Variants in KHDRBS2 observed in about 807,000 individuals in gnomAD.
KHDRBS2 encodes the protein KH domain-containing, RNA-binding, signal transduction-associated protein 2.
A neutral mutation model predicts 44.3 loss-of-function variants in KHDRBS2; 26 were observed. The observed-to-expected ratio is 0.59, with a 90% confidence interval of 0.43 to 0.81. The LOEUF is 0.81. Ranked by LOEUF, KHDRBS2 falls within the 40% of genes least tolerant of loss-of-function variation. The probability of loss-of-function intolerance (pLI) is 0.00; values close to 1 mark genes in which losing one functional copy is unlikely to be tolerated. For synonymous variants in KHDRBS2, 194 were observed against 151.1 expected, an observed-to-expected ratio of 1.28 and a Z score of -2.08; for missense variants, 476 against 433.1, an observed-to-expected ratio of 1.10 and a Z score of -0.88.
intron 7 of KHDRBS2, among the ~76,000 whole-genome samples, chr6:61,719,628 C>A (rs1024205292): frequency 8.6e-5 from 13 of 152,044 alleles, no homozygotes; most frequent in Non-Finnish European, 1.5e-4. Flanking sequence ...ATAATCAACT[C>A]ATCAATTTAT....
chr6:61,986,894 A>G (rs1333571333), intron 3 of KHDRBS2, among the ~76,000 whole-genome samples: 1 of 152,170 alleles, frequency 6.6e-6, no homozygotes, highest in Admixed American at 6.5e-5. Flanking sequence ...TCCAAATACC[A>G]TCATATCAGG....
At chr6:62,016,219 A>T (rs1314472589) in intron 3 of KHDRBS2, among the ~76,000 whole-genome samples, 2 of 152,122 alleles carry the variant, frequency 1.3e-5, no homozygotes, top group East Asian at 3.8e-4. Context: ...TAGTAGAATG[A>T]GGTAGGATCC....
intron 6 of KHDRBS2, among the ~76,000 whole-genome samples, chr6:61,857,630 C>T (rs948957256): frequency 2.0e-5 from 3 of 151,850 alleles, no homozygotes; most frequent in African/African-American, 7.3e-5. Context: ...ATGTTAGCAA[C>T]ATACGGATTT....
At chr6:61,846,790 T>C (rs1024577996) in intron 6 of KHDRBS2, among the ~76,000 whole-genome samples, 9 of 150,724 alleles carry the variant, frequency 6.0e-5, no homozygotes, top group African/African-American at 9.8e-5. Context: ...AGTACATATA[T>C]ATATATATAT....
intron 2 of KHDRBS2, among the ~76,000 whole-genome samples, chr6:62,114,930 T>C (rs1463629086): frequency 6.6e-6 from 1 of 152,140 alleles, no homozygotes; most frequent in Non-Finnish European, 1.5e-5. Context: ...GAAAACATGG[T>C]ATTTAATATT....
At chr6:61,993,243 G>A (rs1217381326) in intron 3 of KHDRBS2, among the ~76,000 whole-genome samples, 1 of 151,986 alleles carries the variant, frequency 6.6e-6, no homozygotes, top group Non-Finnish European at 1.5e-5. Context: ...TTTGCCAGGA[G>A]AGAAACTTTT....
chr6:61,632,923 C>T, the KHDRBS2 span, among the ~76,000 whole-genome samples: 4 of 151,986 alleles, frequency 2.6e-5, no homozygotes, highest in African/African-American at 9.7e-5. Flanking sequence ...TCTCAGTTAC[C>T]TCTTTTGAAG....
intron 6 of KHDRBS2, among the ~76,000 whole-genome samples, chr6:61,839,791 A>C (rs776397105): frequency 7.9e-5 from 12 of 152,106 alleles, no homozygotes; most frequent in Non-Finnish European, 1.8e-4. Flanking sequence ...GCCTGAACAG[A>C]GAAAGAATAT....
rs1054875233 is a variant in KHDRBS2, at chr6:62,063,581, C to A, written c.220-15587G>T. ...AAAGCCTTTGACAAAATTCAACAAC[C>A]CTTCATGATAAAAACTCTCAATAAA... On this transcript the variant is annotated intron_variant, in intron 2 of 8. Transcript: ENST00000281156. Among the ~76,000 whole-genome samples, 11 of 151,528 alleles carry A rather than the reference C, an allele frequency of 7.3e-5. No homozygotes were observed. The East Asian group carries it at 7.8e-4, about 11-fold the overall frequency.
At position 62,059,634 on chromosome 6, in the gene KHDRBS2, G is replaced by A. The variant is rs141496052; in HGVS notation, c.220-11640C>T. Among the ~76,000 whole-genome samples the A allele has an allele frequency of 1.3e-3, 199 of 151,794 alleles. 2 individuals carry two copies. Among genetic ancestry groups the A allele is most frequent in the African/African-American group, 4.5e-3 (185 of 41,486 alleles). Reference sequence around the variant, plus strand: ...GAACAAAAACGTTAGAGAAAAAATTGGAGTATATTCCATTTGAGATGCCTT... The same window carrying A: ...GAACAAAAACGTTAGAGAAAAAATTAGAGTATATTCCATTTGAGATGCCTT... On this transcript the variant is annotated intron_variant, in intron 2 of 8. Transcript: ENST00000281156.
chr6:62,142,446 A>G (rs1479055186), intron 2 of KHDRBS2, among the ~76,000 whole-genome samples: 2 of 152,078 alleles, frequency 1.3e-5, no homozygotes. Flanking sequence ...GGTGTCATCC[A>G]TAACATGATT....
At chr6:62,238,195 C>A (rs971578166) in intron 1 of KHDRBS2, among the ~76,000 whole-genome samples, 1 of 152,044 alleles carries the variant, frequency 6.6e-6, no homozygotes, top group African/African-American at 2.4e-5. Context: ...CTATTTTGCA[C>A]AGTAGCTTAT....
intron 3 of KHDRBS2, among the ~76,000 whole-genome samples, chr6:62,036,085 G>A (rs577441943): frequency 6.6e-6 from 1 of 151,966 alleles, no homozygotes; most frequent in East Asian, 1.9e-4. Flanking sequence ...CCTAAGGGTG[G>A]GGCTAGAGTT....
intron 6 of KHDRBS2, among the ~76,000 whole-genome samples, chr6:61,765,018 A>G (rs1018618613): frequency 2.6e-5 from 4 of 152,202 alleles, no homozygotes; most frequent in Admixed American, 1.3e-4. Context: ...GATTAATAAT[A>G]ATAGAACTAT....
chr6:61,631,742 C>T, the KHDRBS2 span, among the ~76,000 whole-genome samples: 1 of 152,112 alleles, frequency 6.6e-6, no homozygotes, highest in African/African-American at 2.4e-5. Flanking sequence ...TTTTGTTAAA[C>T]AACTTGAGTG....
chr6:62,027,262 C>A (rs1783535774), intron 3 of KHDRBS2, among the ~76,000 whole-genome samples: 1 of 151,814 alleles, frequency 6.6e-6, no homozygotes, highest in Non-Finnish European at 1.5e-5. Flanking sequence ...AAAAATGTAA[C>A]CTTTATTTTC....
intron 6 of KHDRBS2, among the ~76,000 whole-genome samples, chr6:61,818,997 C>T (rs1208304895): frequency 6.6e-6 from 1 of 151,980 alleles, no homozygotes; most frequent in Non-Finnish European, 1.5e-5. Context: ...ATAATACCCT[C>T]AGTAGTTAGT....
intron 7 of KHDRBS2, among the ~76,000 whole-genome samples, chr6:61,732,170 C>T (rs1181283154): frequency 6.6e-6 from 1 of 151,914 alleles, no homozygotes; most frequent in Non-Finnish European, 1.5e-5. Context: ...CATAAAAAAT[C>T]ATTTATATCA....
intron 6 of KHDRBS2, among the ~76,000 whole-genome samples, chr6:61,875,306 G>A (rs1397359043): frequency 2.0e-5 from 3 of 151,974 alleles, no homozygotes; most frequent in Non-Finnish European, 4.4e-5. Context: ...AATAGAACAG[G>A]CCGAAGCCAG....
Sources: allele counts gnomAD v4.1 joint callset (sites outside exome capture counted in the v4.1 genomes callset), GRCh38; gene constraint gnomAD v4.1.1; transcripts MANE v1.5; gene names NCBI Gene and HGNC (gene_info 2026-07-23, HGNC 2026-07-21).